Variants in SNX29 observed in about 807,000 individuals in gnomAD.
SNX29 encodes the protein sorting nexin 29.
A neutral mutation model predicts 102.1 loss-of-function variants in SNX29; 78 were observed. That is an observed-to-expected ratio of 0.76 (90% CI 0.64 to 0.92). The LOEUF is 0.92. Ranked by LOEUF, SNX29 falls within the 40% of genes least tolerant of loss-of-function variation. The probability of loss-of-function intolerance (pLI) is 0.00; values close to 1 mark genes in which losing one functional copy is unlikely to be tolerated. For synonymous variants in SNX29, 580 were observed against 414.5 expected (o/e 1.40, Z -4.85); for missense variants, 1,280 against 1,061.7 (o/e 1.21, Z -2.86).
intron 20 of SNX29, among the ~76,000 whole-genome samples, chr16:12,547,837 G>A (rs1429677272): frequency 2.0e-5 from 3 of 152,176 alleles, no homozygotes. Flanking sequence ...CTGAGCCCCA[G>A]ATTCCAAACT....
In SNX29 at chr16:12,571,506, T is replaced by G. The variant is rs2079186941; in HGVS notation, c.*2877T>G. 1.8e-6 allele frequency: 1 copy of G among 562,718 alleles called. No individual in the cohort carries two copies. Among genetic ancestry groups the G allele is most frequent in the Non-Finnish European group, 2.4e-6 (1 of 420,532 alleles). 34.9% of individuals were successfully genotyped at this position (562,718 alleles called of 1,614,324 possible). A position where few individuals can be genotyped will look rare whatever the true frequency, so the allele number is the denominator to read the frequency against. On this transcript the variant is annotated 3_prime_UTR_variant, in exon 21 of 21. Transcript: ENST00000566228. ...GAGAGGAACGAGGGTGGCCCACCTCTCAAGGGCCTTGGATTCCTGGGACCA... is the reference window on the plus strand; with the variant it reads ...GAGAGGAACGAGGGTGGCCCACCTCGCAAGGGCCTTGGATTCCTGGGACCA...
chr16:12,222,052 C>T (rs1179394361), intron 14 of SNX29, among the ~76,000 whole-genome samples: 3 of 152,226 alleles, frequency 2.0e-5, no homozygotes, highest in Non-Finnish European at 2.9e-5. Context: ...GTAGTGCTAA[C>T]TCCATGCCGG....
At chr16:12,053,723 C>T (rs1037221692) in intron 8 of SNX29, among the ~76,000 whole-genome samples, 5 of 149,672 alleles carry the variant, frequency 3.3e-5, no homozygotes, top group African/African-American at 1.2e-4. Flanking sequence ...TTACTCTAGT[C>T]CTCATCTGCA....
chr16:12,283,289 A>G (rs560791384), intron 15 of SNX29, among the ~76,000 whole-genome samples: 2 of 150,760 alleles, frequency 1.3e-5, no homozygotes, highest in African/African-American at 4.9e-5. Context: ...CTGAAATGGC[A>G]TTGACTACCC....
In SNX29 at chr16:12,033,795, C is replaced by T. The variant is rs531466529; in HGVS notation, c.247+6351C>T. On this transcript the variant is annotated intron_variant, in intron 4 of 20. Transcript: ENST00000566228. ...TTAAGTTTTATATTTTTAGTAGAGA[C>T]GGGGTTTCATCATATTGGGCAGGCT... 1.6e-3 allele frequency among the ~76,000 whole-genome samples: 239 copies of T among 152,034 alleles called. 2 individuals carry two copies. In the Middle Eastern group the frequency reaches 0.024, roughly 15 times the overall value.
chr16:12,500,680 C>T (rs1454072491), intron 19 of SNX29, among the ~76,000 whole-genome samples: 1 of 152,210 alleles, frequency 6.6e-6, no homozygotes, highest in Non-Finnish European at 1.5e-5. Flanking sequence ...GTCTGTGTAC[C>T]AGTGACATCA....
chr16:12,253,957 T>G (rs1456907997), intron 14 of SNX29, among the ~76,000 whole-genome samples: 1 of 152,094 alleles, frequency 6.6e-6, no homozygotes, highest in African/African-American at 2.4e-5. Context: ...CCTGGCCTTA[T>G]GTGGATGCTG....
chr16:12,542,455 C>T (rs937215367), intron 20 of SNX29, among the ~76,000 whole-genome samples: 2 of 152,210 alleles, frequency 1.3e-5, no homozygotes, highest in African/African-American at 4.8e-5. Flanking sequence ...CCTCAGCTTC[C>T]CAAGTAGCTG....
chr16:12,526,686 C>G (rs1471884398), intron 20 of SNX29: 1 of 501,598 alleles, frequency 2.0e-6, no homozygotes, highest in Non-Finnish European at 3.8e-6. Context: ...ACTGAATTCC[C>G]TGGTGAAAAC....
intron 20 of SNX29, chr16:12,545,749 C>G (rs1223988553): frequency 6.6e-6 from 1 of 152,168 alleles, no homozygotes; most frequent in Non-Finnish European, 1.5e-5. Context: ...AGATTTTAAC[C>G]TGAGATGGAG....
intron 19 of SNX29, among the ~76,000 whole-genome samples, chr16:12,519,028 G>A (rs766207809): frequency 2.0e-5 from 3 of 152,164 alleles, no homozygotes; most frequent in Non-Finnish European, 4.4e-5. Context: ...CTGCCAGGAC[G>A]GGGAGCAGGC....
At chr16:12,026,638 G>C (rs148644247) in intron 3 of SNX29, among the ~76,000 whole-genome samples, 1 of 152,140 alleles carries the variant, frequency 6.6e-6, no homozygotes, top group Admixed American at 6.5e-5. Flanking sequence ...CACAGTAATT[G>C]TAACTTAATT....
In SNX29 at chr16:12,568,790, C is replaced by A. The variant is rs866278806; in HGVS notation, c.*161C>A. On this transcript the variant is annotated 3_prime_UTR_variant, in exon 21 of 21. Transcript: ENST00000566228. ...TACACAACACCCCGATTAAACTAAT[C>A]AGTCTTCGAGCCGCATGATACCGTG... The A allele has an allele frequency of 1.7e-6, 2 of 1,155,446 alleles. No individual in the cohort carries two copies. The highest frequency in any genetic ancestry group is 1.2e-6 in the Non-Finnish European group (1 of 840,122). The allele number at this position is 1,155,446 out of a possible 1,614,324, so 71.6% of individuals were successfully genotyped here. A position where few individuals can be genotyped will look rare whatever the true frequency, so the allele number is the denominator to read the frequency against.
chr16:12,436,206 A>G (rs2151648146), intron 18 of SNX29, among the ~76,000 whole-genome samples: 1 of 151,974 alleles, frequency 6.6e-6, no homozygotes, highest in South Asian at 2.1e-4. Flanking sequence ...CCCCCGGAAC[A>G]GTATTGGCAC....
rs144716882 is a variant in SNX29, at chr16:12,366,577, A to C, written c.1899+10298A>C. ...CTGCCTGTGTTTAGTCCCAGGTCCA[A>C]CTGGCCTCCCACCCACTCACCAGCC... On this transcript the variant is annotated intron_variant, in intron 16 of 20. Transcript: ENST00000566228. Among the ~76,000 whole-genome samples, 28 of 152,290 alleles carry C rather than the reference A, an allele frequency of 1.8e-4. 2 individuals carry two copies. The East Asian group carries it at 5.2e-3, about 28-fold the overall frequency.
At chr16:12,439,355 C>T (rs1567563959) in intron 18 of SNX29, among the ~76,000 whole-genome samples, 1 of 152,202 alleles carries the variant, frequency 6.6e-6, no homozygotes, top group Non-Finnish European at 1.5e-5. Context: ...GGTGTGGAGT[C>T]AGGGCTTGGC....
chr16:12,568,644 C>G lies in SNX29; in HGVS notation c.*15C>G, dbSNP rs772803153. ...GTGACCTCTGACCTCGACAAAACCGCAGCCACGGGCCCTGTGCGTGGCACC... is the reference window on the plus strand; with the variant it reads ...GTGACCTCTGACCTCGACAAAACCGGAGCCACGGGCCCTGTGCGTGGCACC... On this transcript the variant is annotated 3_prime_UTR_variant, in exon 21 of 21. Transcript: ENST00000566228. The G allele has an allele frequency of 2.5e-6, 4 of 1,600,482 alleles. No individual in the cohort carries two copies. The African/African-American group carries it at 5.3e-5, about 21-fold the overall frequency.
Position 12,543,912 on chromosome 16 carries a change from G to A in SNX29, c.2318+19071G>A, listed in dbSNP as rs146004585. On this transcript the variant is annotated intron_variant, in intron 20 of 20. Coordinates refer to ENST00000566228, the MANE Select transcript of SNX29 (RefSeq NM_032167.5). ...GCGTATTCCTTCATCCTGGATTGCC[G>A]AAGGTGGAATCCGGCACCCTCTCGT... Among the ~76,000 whole-genome samples the A allele has an allele frequency of 8.8e-4, 134 of 152,322 alleles. 2 individuals carry two copies. The highest frequency in any genetic ancestry group is 2.9e-3 in the African/African-American group (119 of 41,572).
chr16:12,567,509 GCA>G (rs1302920064), intron 20 of SNX29, among the ~76,000 whole-genome samples: 3 of 152,104 alleles, frequency 2.0e-5, no homozygotes, highest in Non-Finnish European at 4.4e-5. Context: ...GATTGGCCAG[GCA>G]CAGTGGCTCA....
Sources: allele counts gnomAD v4.1 joint callset (sites outside exome capture counted in the v4.1 genomes callset), GRCh38; gene constraint gnomAD v4.1.1; transcripts MANE v1.5; gene names NCBI Gene and HGNC (gene_info 2026-07-23, HGNC 2026-07-21).